Variants in RGL4 observed in about 807,000 individuals in gnomAD.
RGL4 encodes ral-GDS-related protein.
In RGL4, 41 loss-of-function variants were observed where a neutral mutation model predicts 49.6. The ratio of observed to expected loss-of-function variants is 0.83; its 90% confidence interval spans 0.64 to 1.07. The LOEUF (loss-of-function observed/expected upper bound fraction) is 1.07. RGL4 is among the 50% of genes least tolerant of loss of function. The pLI, the probability that RGL4 is intolerant of heterozygous loss-of-function variation, is 0.00. For synonymous variants in RGL4, 255 were observed against 238.0 expected, an observed-to-expected ratio of 1.07 and a Z score of -0.66; for missense variants, 610 against 591.9, an observed-to-expected ratio of 1.03 and a Z score of -0.32.
chr22:23,694,842 T>G, intron 5 of RGL4, 108 bp from the exon 6 acceptor site: 1 of 875,160 alleles, frequency 1.1e-6, no homozygotes, highest in Non-Finnish European at 1.9e-6. Flanking sequence ...CACTGAAAAC[T>G]CTCACCCAGT....
intron 10 of RGL4, 119 bp downstream of exon 10, chr22:23,698,452 G>A (rs1044679478): frequency 4.9e-6 from 6 of 1,236,242 alleles, no homozygotes; most frequent in Non-Finnish European, 7.0e-6. Flanking sequence ...TCACTGCAAC[G>A]TCTGCCTTCT....
intron 5 of RGL4, 35 bp downstream of exon 5, chr22:23,694,485 T>C (rs1386711060): frequency 4.8e-6 from 7 of 1,450,392 alleles, no homozygotes; most frequent in Non-Finnish European, 6.8e-6. Context: ...GCATCAGGGT[T>C]GACCTAGGGA....
Position 23,693,938 on chromosome 22 carries a change from G to A in RGL4, c.876G>A (p.Arg292=). Reference sequence around the variant, plus strand: ...ACCACAGCATGAGGGCCCGGGACAGGGCCAGGGTGGTGGAGCACTGGATCA... The same window carrying A: ...ACCACAGCATGAGGGCCCGGGACAGAGCCAGGGTGGTGGAGCACTGGATCA... ...LGDHSMRARD[R]ARVVEHWIKV... Residue 292 remains arginine, a synonymous_variant, in exon 4 of 11, where the codon AGG becomes AGA. Transcript: ENST00000290691. The A allele has an allele frequency of 6.2e-7, 1 of 1,613,832 alleles. No homozygotes were observed. Among genetic ancestry groups the A allele is most frequent in the Non-Finnish European group, 8.5e-7 (1 of 1,180,026 alleles).
chr22:23,694,040 G>A (rs1057454718), intron 4 of RGL4, 66 bp downstream of exon 4: 27 of 1,422,978 alleles, frequency 1.9e-5, no homozygotes, highest in African/African-American at 9.9e-5. Flanking sequence ...CTCCTCCATC[G>A]GCTTTCAGGA....
intron 4 of RGL4, 163 bp downstream of exon 4, chr22:23,694,137 G>A: frequency 1.3e-6 from 1 of 741,952 alleles, no homozygotes; most frequent in South Asian, 1.7e-5. Flanking sequence ...CCACGGCCCA[G>A]TGGTGGCTGC....
At position 23,697,872 on chromosome 22, in the gene RGL4, G is replaced by A. The variant is rs1041990275; in HGVS notation, c.1260+11G>A. On this transcript the variant is annotated intron_variant, in intron 9 of 10. Transcript: ENST00000290691. ...AACAAGAGGAGCAAGGTGAGCAGCT[G>A]GGGCACTCACGTTGGATGAGGGTGG... The A allele has an allele frequency of 6.2e-7, 1 of 1,605,112 alleles. No homozygotes were observed. The highest frequency in any genetic ancestry group is 1.7e-5 in the Admixed American group (1 of 58,140).
In RGL4 at chr22:23,692,215, G is replaced by A. The variant is rs759678538; in HGVS notation, c.179+6G>A. 9 of 1,612,034 alleles carry A rather than the reference G, an allele frequency of 5.6e-6. No individual in the cohort carries two copies. The highest frequency in any genetic ancestry group is 1.7e-4 in the Middle Eastern group (1 of 6,052). ...GACAGCACTGATGGCTTACGGTAGG[G>A]TGGGGCTGTCCTCCACACTGGCAGC... On this transcript the variant is annotated splice_donor_region_variant and intron_variant, in intron 1 of 10. Coordinates refer to ENST00000290691, the MANE Select transcript of RGL4 (RefSeq NM_153615.2).
chr22:23,693,093 C>T, intron 3 of RGL4, 102 bp downstream of exon 3: 5 of 1,452,648 alleles, frequency 3.4e-6, no homozygotes, highest in Non-Finnish European at 4.5e-6. Context: ...TTCAGCCCCA[C>T]TTCTTACCAA....
In RGL4 at chr22:23,692,427, C is replaced by A; in HGVS notation, c.272C>A (p.Ala91Asp). The A allele has an allele frequency of 6.2e-7, 1 of 1,614,196 alleles. No homozygotes were observed. Among genetic ancestry groups the A allele is most frequent in the Non-Finnish European group, 8.5e-7 (1 of 1,180,040 alleles). Residue 91 changes from alanine (A) to aspartate (D), a missense_variant, in exon 2 of 11, where the codon GCC (alanine) becomes GAC (aspartate). Coordinates refer to ENST00000290691, the MANE Select transcript of RGL4 (RefSeq NM_153615.2). ...CGGTCATCTTTCCGGATAAAGCTGG[C>A]CTTCAGGAACCTCTCCTGGCCTGGA... ...PQRSSFRIKL[A>D]FRNLSWPGLG...
intron 6 of RGL4, chr22:23,696,302 G>A (rs1375596041): frequency 1.5e-6 from 2 of 1,293,074 alleles, no homozygotes; most frequent in Non-Finnish European, 2.0e-6. Context: ...GCAATTTGAG[G>A]GTGCTCGTGC....
chr22:23,695,174 T>C (rs777176281), intron 6 of RGL4, 155 bp downstream of exon 6: 6 of 581,672 alleles, frequency 1.0e-5, no homozygotes, highest in Non-Finnish European at 1.9e-5. Context: ...CATGCCTACC[T>C]TGGGCCAACA....
chr22:23,698,409 GC>G lies in RGL4; in HGVS notation c.1382+79del, dbSNP rs1569121575. 4.0e-6 allele frequency: 6 copies of G among 1,517,092 alleles called. No homozygotes were observed. The South Asian group carries it at 5.8e-5, about 15-fold the overall frequency. 94.0% of individuals were successfully genotyped at this position (1,517,092 alleles called of 1,614,324 possible). A position where few individuals can be genotyped will look rare whatever the true frequency, so the allele number is the denominator to read the frequency against. On this transcript the variant is annotated intron_variant, in intron 10 of 10. Transcript: ENST00000290691. ...TTTTTTAACATGGTCTGGCTCTGTC[GC>G]CCAGGCTGCACTGCAGTGTCACCAT...
At position 23,692,655 on chromosome 22, in the gene RGL4, TTC is replaced by T; in HGVS notation, c.374-11_374-10del. The stretch of plus-strand genomic sequence containing the variant: ...GAAAAATGACTGGTGTGGTGACCTT[TTC>T]TCCTTTTCCAGATCCTGCTCCACGT... On this transcript the variant is annotated splice_polypyrimidine_tract_variant and intron_variant, in intron 2 of 10. Transcript: ENST00000290691. 5 of 1,582,094 alleles carry T rather than the reference TTC, an allele frequency of 3.2e-6. No homozygotes were observed. Among genetic ancestry groups the T allele is most frequent in the Non-Finnish European group, 4.3e-6 (5 of 1,161,194 alleles).
rs903023283 is a variant in RGL4, at chr22:23,691,624, G to A, written c.-407G>A. The stretch of plus-strand genomic sequence containing the variant: ...GTGAGACCCTCATGGCCTCCTCTAC[G>A]TATGGTGGCATCCTCCCAGATTCTG... On this transcript the variant is annotated 5_prime_UTR_variant, in exon 1 of 11. Coordinates refer to ENST00000290691, the MANE Select transcript of RGL4 (RefSeq NM_153615.2). 4.2e-5 allele frequency: 8 copies of A among 191,890 alleles called. No individual in the cohort carries two copies. Among genetic ancestry groups the A allele is most frequent in the South Asian group, 3.4e-4 (3 of 8,716 alleles). 11.9% of individuals were successfully genotyped at this position (191,890 alleles called of 1,614,324 possible).
intron 1 of RGL4, 25 bp downstream of exon 1, chr22:23,692,234 T>C (rs1923183541): frequency 1.2e-6 from 2 of 1,609,648 alleles, no homozygotes; most frequent in East Asian, 2.2e-5. Context: ...TCCTCCACAC[T>C]GGCAGCAACA....
chr22:23,698,488 C>A, intron 10 of RGL4, 155 bp downstream of exon 10: 1 of 879,968 alleles, frequency 1.1e-6, no homozygotes, highest in Non-Finnish European at 1.8e-6. Flanking sequence ...CTCAGCCTCC[C>A]AAGCAGCTGG....
intron 3 of RGL4, 145 bp downstream of exon 3, chr22:23,693,136 A>G (rs1923248328): frequency 7.3e-7 from 1 of 1,370,750 alleles, no homozygotes; most frequent in East Asian, 2.5e-5. Flanking sequence ...CTCACCCACA[A>G]GCCTTCCCTG....
chr22:23,695,197 T>G, intron 6 of RGL4, 178 bp downstream of exon 6: 1 of 547,068 alleles, frequency 1.8e-6, no homozygotes, highest in Non-Finnish European at 3.4e-6. Flanking sequence ...AAGAGTGGTG[T>G]GTCGGTCCAT....
chr22:23,695,650 G>A (rs1923442137), intron 6 of RGL4: 2 of 324,896 alleles, frequency 6.2e-6, no homozygotes, highest in Non-Finnish European at 1.2e-5. Context: ...TCTGCCCTTT[G>A]CAGACACCCA....
Sources: allele counts gnomAD v4.1 joint callset, GRCh38; gene constraint gnomAD v4.1.1; transcripts MANE v1.5; gene names NCBI Gene and HGNC (gene_info 2026-07-23, HGNC 2026-07-21).